LYRM4: variants seen among roughly 807,000 people sequenced by gnomAD.
LYRM4 encodes the protein LYR motif-containing protein 4.
LYRM4 carries 9 observed loss-of-function variants against 11.7 expected under a neutral mutation model. The observed-to-expected ratio is 0.77, with a 90% CI of 0.46 to 1.34. The LOEUF is 1.34. Ranked by LOEUF, LYRM4 falls within the 40% of genes most tolerant of loss-of-function variation. The pLI, the probability that LYRM4 is intolerant of heterozygous loss-of-function variation, is 0.00. For missense variants in LYRM4, 133 were observed against 112.5 expected, an observed-to-expected ratio of 1.18 and a Z score of -0.82; for synonymous variants, 42 against 40.4, an observed-to-expected ratio of 1.04 and a Z score of -0.15.
chr6:5,184,647 T>C (rs1760275095), intron 2 of LYRM4, among the ~76,000 whole-genome samples: 1 of 152,244 alleles, frequency 6.6e-6, no homozygotes. Flanking sequence ...CATGAGTTCA[T>C]GCTTTTGTTT....
the LYRM4 span, chr6:5,066,797 C>T: frequency 2.7e-6 from 2 of 741,290 alleles, no homozygotes; most frequent in Non-Finnish European, 2.4e-6. Context: ...TTAACACCCT[C>T]CTTGGTGAGT....
chr6:5,049,183 C>T, the LYRM4 span, among the ~76,000 whole-genome samples: 6 of 152,282 alleles, frequency 3.9e-5, no homozygotes, highest in African/African-American at 1.4e-4. Context: ...TCACTTCCAT[C>T]CCTGGTCCCA....
At chr6:5,237,423 T>A (rs1261422620) in intron 1 of LYRM4, among the ~76,000 whole-genome samples, 1 of 151,880 alleles carries the variant, frequency 6.6e-6, no homozygotes, top group Non-Finnish European at 1.5e-5. Flanking sequence ...GAAAACAAGC[T>A]CAGCGCTCCC....
intron 1 of LYRM4, among the ~76,000 whole-genome samples, chr6:5,259,844 G>A (rs1764898336): frequency 6.6e-6 from 1 of 152,128 alleles, no homozygotes; most frequent in South Asian, 2.1e-4. Context: ...AATGCAGAGA[G>A]AGAATCCATA....
At chr6:5,242,642 C>T (rs1456276364) in intron 1 of LYRM4, among the ~76,000 whole-genome samples, 1 of 151,046 alleles carries the variant, frequency 6.6e-6, no homozygotes, top group Non-Finnish European at 1.5e-5. Context: ...ACCACTTGAA[C>T]ATGGAGGCAG....
the LYRM4 span, among the ~76,000 whole-genome samples, chr6:5,076,515 G>T: frequency 6.6e-6 from 1 of 152,262 alleles, no homozygotes; most frequent in South Asian, 2.1e-4. Context: ...GACACTCTGT[G>T]CTGCGAGCAG....
chr6:5,219,925 A>T (rs1178929411), intron 1 of LYRM4, among the ~76,000 whole-genome samples: 2 of 152,144 alleles, frequency 1.3e-5, no homozygotes, highest in African/African-American at 4.8e-5. Flanking sequence ...AGGGCAACAC[A>T]ACCAAATACA....
At chr6:5,126,743 G>A (rs1763716114) in intron 2 of LYRM4, among the ~76,000 whole-genome samples, 3 of 152,156 alleles carry the variant, frequency 2.0e-5, no homozygotes, top group African/African-American at 7.2e-5. Context: ...GCCACATATT[G>A]TATGATTCCA....
intron 2 of LYRM4, among the ~76,000 whole-genome samples, chr6:5,113,754 A>G (rs1383465218): frequency 6.7e-6 from 1 of 150,168 alleles, no homozygotes; most frequent in African/African-American, 2.5e-5. Flanking sequence ...TTTTTTAGAG[A>G]CAGGTTCTCA....
At chr6:5,085,187 A>C in the LYRM4 span, 1 of 411,442 alleles carries the variant, frequency 2.4e-6, no homozygotes, top group Middle Eastern at 6.2e-4. Context: ...CAGGTGTCCC[A>C]GCGGCCGCGC....
chr6:5,099,904 A>G (rs1263077280), downstream of LYRM4, among the ~76,000 whole-genome samples: 1 of 152,236 alleles, frequency 6.6e-6, no homozygotes, highest in Non-Finnish European at 1.5e-5. The surrounding 1 kb of genome is among the most constrained non-coding windows in gnomAD (Gnocchi z 4.3). Flanking sequence ...CAGAGAAGAC[A>G]GCGTATCTGC....
chr6:5,104,020 T>G (rs1374597978), downstream of LYRM4: 6 of 151,578 alleles, frequency 4.0e-5, no homozygotes, highest in East Asian at 1.2e-3. Context: ...TTTCTACAAA[T>G]GTATATTTTC....
chr6:5,193,130 G>A (rs1029280379), intron 2 of LYRM4, among the ~76,000 whole-genome samples: 1 of 152,138 alleles, frequency 6.6e-6, no homozygotes, highest in Non-Finnish European at 1.5e-5. Context: ...GCCTCAAAAT[G>A]CAAGATTCCT....
the LYRM4 span, among the ~76,000 whole-genome samples, chr6:5,040,520 A>T: frequency 4.0e-5 from 6 of 148,388 alleles, no homozygotes; most frequent in Non-Finnish European, 7.4e-5. Context: ...TGGGCAACAT[A>T]GGGAGACCTC....
the LYRM4 span, chr6:5,034,071 G>A: frequency 6.6e-6 from 1 of 152,330 alleles, no homozygotes; most frequent in Non-Finnish European, 1.5e-5. Context: ...TGTTTAAAAT[G>A]TCCCCAGGCA....
the LYRM4 span, among the ~76,000 whole-genome samples, chr6:5,079,287 CA>C: frequency 1.2e-3 from 183 of 152,294 alleles, no homozygotes; most frequent in African/African-American, 4.3e-3. Flanking sequence ...TAATGAAAGA[CA>C]AAGGTTAATT....
At chr6:5,103,987 C>CAAAA (rs34084655), downstream of LYRM4, 1 of 107,104 alleles carries the variant, frequency 9.3e-6, no homozygotes, top group Non-Finnish European at 1.9e-5. Context: ...AAGTACTTAG[C>CAAAA]AAAAAAAAAA....
At chr6:5,204,622 CCT>C (rs891403827) in intron 2 of LYRM4, among the ~76,000 whole-genome samples, 1 of 152,064 alleles carries the variant, frequency 6.6e-6, no homozygotes, top group African/African-American at 2.4e-5. Context: ...CACTGCTTAC[CCT>C]CTCTCCTTTT....
chr6:5,050,015 A>G, the LYRM4 span, among the ~76,000 whole-genome samples: 3 of 152,260 alleles, frequency 2.0e-5, no homozygotes, highest in East Asian at 5.8e-4. Context: ...CTTTTCAGCC[A>G]TAGACATCCA....
Sources: gnomAD v4.1 joint callset for allele counts (sites outside exome capture counted in the v4.1 genomes callset) on GRCh38, gnomAD v4.1.1 for gene constraint, Gnocchi (gnomAD v3.1) non-coding constraint, MANE v1.5 for transcripts, NCBI Gene and HGNC (gene_info 2026-07-23, HGNC 2026-07-21) for gene names.